The following ACTN2 variants were observed in gnomAD, a reference collection of about 807,000 sequenced individuals.
ACTN2 encodes the protein actinin alpha 2.
ACTN2 carries 39 observed loss-of-function variants against 113.8 expected under a neutral mutation model. The observed-to-expected ratio is 0.34, with a 90% CI of 0.27 to 0.45. ACTN2 has a LOEUF of 0.45. ACTN2 is among the 20% of genes least tolerant of loss of function. The pLI, the probability that ACTN2 is intolerant of heterozygous loss-of-function variation, is 1.00. For synonymous variants in ACTN2, 429 were observed against 444.1 expected (o/e 0.97, Z 0.43); for missense variants, 992 against 1,177.9 (o/e 0.84, Z 2.31).
chr1:236,741,973 C>T (rs760114124), intron 10 of ACTN2, among the ~76,000 whole-genome samples: 5 of 152,188 alleles, frequency 3.3e-5, no homozygotes, highest in Admixed American at 1.3e-4. Context: ...CCCTGCCTGC[C>T]GTCCTTCCCG....
chr1:236,711,494 A>G (rs1032559858), intron 1 of ACTN2, among the ~76,000 whole-genome samples: 1 of 152,270 alleles, frequency 6.6e-6, no homozygotes, highest in South Asian at 2.1e-4. Flanking sequence ...GATTACAGGC[A>G]TGCGCCACCA....
intron 7 of ACTN2, among the ~76,000 whole-genome samples, chr1:236,732,329 C>T (rs1658732650): frequency 1.3e-5 from 2 of 152,208 alleles, no homozygotes; most frequent in African/African-American, 4.8e-5. Context: ...CTTCTAGAAG[C>T]CCCAGACATT....
intron 3 of ACTN2, among the ~76,000 whole-genome samples, chr1:236,719,718 G>A (rs997469109): frequency 1.3e-5 from 2 of 151,726 alleles, no homozygotes; most frequent in Non-Finnish European, 2.9e-5. Flanking sequence ...AGAATTGCTT[G>A]ATCCCAGGAG....
At chr1:236,691,587 G>A (rs764612841) in intron 1 of ACTN2, among the ~76,000 whole-genome samples, 18 of 152,080 alleles carry the variant, frequency 1.2e-4, no homozygotes, top group Non-Finnish European at 7.4e-5. Context: ...TGAGGTTGCC[G>A]TGAGCTGTGA....
At chr1:236,747,946 G>A (rs956961521) in intron 13 of ACTN2, 171 bp downstream of exon 13, 1 of 633,036 alleles carries the variant, frequency 1.6e-6, no homozygotes, top group Admixed American at 2.7e-5. Flanking sequence ...GAAGTTGGGA[G>A]CTTTGTGCTG....
At chr1:236,718,471 C>T (rs958758807) in intron 2 of ACTN2, among the ~76,000 whole-genome samples, 1 of 152,188 alleles carries the variant, frequency 6.6e-6, no homozygotes, top group Non-Finnish European at 1.5e-5. Context: ...GGCAGATCTG[C>T]CCTGATCCAT....
intron 1 of ACTN2, among the ~76,000 whole-genome samples, chr1:236,694,452 A>G (rs1389781633): frequency 1.3e-5 from 2 of 151,516 alleles, no homozygotes; most frequent in African/African-American, 4.9e-5. Flanking sequence ...TGAACTCCAG[A>G]CTTCAAGTGA....
chr1:236,739,655 T>C lies in ACTN2; in HGVS notation c.1107+123T>C, dbSNP rs7544174. On this transcript the variant is annotated intron_variant, in intron 10 of 20. Coordinates refer to ENST00000366578, the MANE Select transcript of ACTN2 (RefSeq NM_001103.4). ...AATCTTTTTAGTTGTGTGAATATCA[T>C]TTTGGCCCTGTAACCACTTTGTTCT... 0.61 allele frequency: 723,614 copies of C among 1,181,902 alleles called. 231,053 individuals are homozygous for C. The highest frequency in any genetic ancestry group is 0.66 in the Non-Finnish European group (540,955 of 816,800). The allele number at this position is 1,181,902 out of a possible 1,614,324, so 73.2% of individuals were successfully genotyped here. A position where few individuals can be genotyped will look rare whatever the true frequency, so the allele number is the denominator to read the frequency against.
chr1:236,720,435 T>C (rs140398868), intron 4 of ACTN2, among the ~76,000 whole-genome samples: 92 of 152,316 alleles, frequency 6.0e-4, no homozygotes, highest in Middle Eastern at 3.4e-3. Context: ...CTTTTTAAAA[T>C]GAGCATTTAT....
chr1:236,753,558 C>T (rs978819382), intron 15 of ACTN2, among the ~76,000 whole-genome samples: 1 of 152,194 alleles, frequency 6.6e-6, no homozygotes, highest in Admixed American at 6.6e-5. Context: ...AAAATAAACA[C>T]GCCAGTGTTC....
chr1:236,753,756 A>T, intron 15 of ACTN2, 191 bp from the exon 16 acceptor site: 2 of 711,296 alleles, frequency 2.8e-6, no homozygotes, highest in Non-Finnish European at 5.0e-6. Context: ...AGCTAAATCA[A>T]GCTCATCCTG....
intron 1 of ACTN2, among the ~76,000 whole-genome samples, chr1:236,695,381 A>G (rs1440800237): frequency 6.6e-6 from 1 of 151,502 alleles, no homozygotes; most frequent in Non-Finnish European, 1.5e-5. Flanking sequence ...GTCTCAAAAA[A>G]AAAAAAAAAA....
At chr1:236,693,006 C>T (rs1024002506) in intron 1 of ACTN2, among the ~76,000 whole-genome samples, 1 of 152,114 alleles carries the variant, frequency 6.6e-6, no homozygotes, top group Non-Finnish European at 1.5e-5. Context: ...ACCGCCGTTT[C>T]CCTGGGAACG....
intron 1 of ACTN2, among the ~76,000 whole-genome samples, chr1:236,688,539 G>A (rs950309182): frequency 6.6e-5 from 10 of 152,166 alleles, no homozygotes; most frequent in African/African-American, 2.4e-4. Flanking sequence ...TATGTTGACT[G>A]TATTATTATA....
chr1:236,688,982 A>T (rs12724121), intron 1 of ACTN2, among the ~76,000 whole-genome samples: 71,880 of 151,994 alleles, frequency 0.47, 19,630 homozygotes, highest in Non-Finnish European at 0.62. Context: ...ATGCCTAATT[A>T]TATCTACAGT....
At position 236,759,743 on chromosome 1, in the gene ACTN2, A is replaced by G; in HGVS notation, c.2321A>G (p.Asp774Gly). The stretch of plus-strand genomic sequence containing the variant: ...CAACAGAGGAAGAATGGCCTGATGG[A>G]TCATGAGGATTTCAGAGCCTGCCTG... ...HFDRRKNGLM[D>G]HEDFRACLIS... Residue 774 changes from aspartate to glycine, a missense_variant, in exon 19 of 21, where the codon GAT becomes GGT. Asp to Gly is a moderately conservative substitution (Grantham distance 94, BLOSUM62 -1). Transcript: ENST00000366578. 1 of 1,614,108 alleles carries G rather than the reference A, an allele frequency of 6.2e-7. No homozygotes were observed. Among genetic ancestry groups the G allele is most frequent in the Non-Finnish European group, 8.5e-7 (1 of 1,179,962 alleles).
At chr1:236,705,698 A>C (rs1657804243) in intron 1 of ACTN2, among the ~76,000 whole-genome samples, 2 of 152,238 alleles carry the variant, frequency 1.3e-5, no homozygotes, top group African/African-American at 4.8e-5. Context: ...TTGCCTTATC[A>C]GGCATTTCAC....
At chr1:236,747,126 C>A (rs1213954720) in intron 12 of ACTN2, among the ~76,000 whole-genome samples, 2 of 152,134 alleles carry the variant, frequency 1.3e-5, no homozygotes, top group Non-Finnish European at 2.9e-5. Context: ...AGAAATAATG[C>A]TCTCTGGGGG....
chr1:236,758,100 A>T (rs10802561), intron 18 of ACTN2, among the ~76,000 whole-genome samples: 1 of 151,860 alleles, frequency 6.6e-6, no homozygotes, highest in Non-Finnish European at 1.5e-5. Context: ...TCTTTTAAGG[A>T]CATGCAGCAA....
Sources: gnomAD v4.1 joint callset for allele counts (sites outside exome capture counted in the v4.1 genomes callset) on GRCh38, gnomAD v4.1.1 for gene constraint, MANE v1.5 for transcripts, NCBI Gene and HGNC (gene_info 2026-07-23, HGNC 2026-07-21) for gene names.